The following CUX2 variants were observed in gnomAD, a reference collection of about 807,000 sequenced individuals.
The protein encoded by CUX2 is homeobox protein cut-like 2.
CUX2 carries 40 observed loss-of-function variants against 144.8 expected under a neutral mutation model. The ratio of observed to expected loss-of-function variants is 0.28; its 90% CI spans 0.21 to 0.36. The LOEUF is 0.36. CUX2 is among the 10% of genes least tolerant of loss of function. CUX2 has a pLI of 1.00. For missense variants in CUX2, 1,615 were observed against 1,994.0 expected (o/e 0.81, Z 3.62); for synonymous variants, 827 against 875.6 (o/e 0.94, Z 0.98).
intron 1 of CUX2, among the ~76,000 whole-genome samples, chr12:111,087,322 C>A (rs534177987): frequency 4.8e-5 from 6 of 124,328 alleles, no homozygotes; most frequent in Non-Finnish European, 9.3e-5. Context: ...GAGCCAAGAT[C>A]GTGCCAGTGC....
intron 1 of CUX2, among the ~76,000 whole-genome samples, chr12:111,051,335 A>T (rs1186107419): frequency 1.3e-5 from 2 of 152,132 alleles, no homozygotes; most frequent in Admixed American, 6.5e-5. Flanking sequence ...GGGGTGTTGA[A>T]GTCTCCAACT....
At chr12:111,233,502 A>G (rs1198869806) in intron 3 of CUX2, among the ~76,000 whole-genome samples, 1 of 152,204 alleles carries the variant, frequency 6.6e-6, no homozygotes, top group Non-Finnish European at 1.5e-5. Context: ...GAAGATTAAA[A>G]TCAACTGAAT....
chr12:111,330,718 T>C (rs745485014), intron 18 of CUX2, among the ~76,000 whole-genome samples: 885 of 43,506 alleles, frequency 0.02, 93 homozygotes, highest in African/African-American at 0.087. Flanking sequence ...TATATATATA[T>C]ATATATATAT....
chr12:111,277,860 ACCGTTCTGCAGAACAGAAGT>A lies in CUX2; in HGVS notation c.302-13555_302-13536del, dbSNP rs1884951578. ...TAAAACAACACACGTTTATGATCTC[ACCGTTCTGCAGAACAGAAGT>A]CCAAGATGGGTCTCACTGGGCAACA... is the stretch of plus-strand genomic sequence containing the variant. On this transcript the variant is annotated intron_variant, in intron 4 of 21. Coordinates refer to ENST00000261726, the MANE Select transcript of CUX2 (RefSeq NM_015267.4). This position sits in a 1 kb window ranked among gnomAD's most constrained non-coding sequence, Gnocchi z 5.0. Among the ~76,000 whole-genome samples the A allele has an allele frequency of 6.6e-6, 1 of 152,206 alleles. No homozygotes were observed. The highest frequency in any genetic ancestry group is 1.5e-5 in the Non-Finnish European group (1 of 68,038).
chr12:111,059,882 C>A lies in CUX2; in HGVS notation c.63+25642C>A, dbSNP rs1277816646. Among the ~76,000 whole-genome samples the A allele has an allele frequency of 2.0e-5, 3 of 152,120 alleles. No homozygotes were observed. Among genetic ancestry groups the A allele is most frequent in the Non-Finnish European group, 2.9e-5 (2 of 68,018 alleles). On this transcript the variant is annotated intron_variant, in intron 1 of 21. Coordinates refer to ENST00000261726, the MANE Select transcript of CUX2 (RefSeq NM_015267.4). The surrounding 1 kb of genome is among the most constrained non-coding windows in gnomAD (Gnocchi z 5.3). ...GACTTAAGCCTGACTTCTGGGGAAG[C>A]CCCCTTCCCTGCCCCCGACCTTGGG... is the stretch of plus-strand genomic sequence containing the variant.
At chr12:111,194,563 C>T (rs1197781595) in intron 1 of CUX2, among the ~76,000 whole-genome samples, 6 of 152,340 alleles carry the variant, frequency 3.9e-5, no homozygotes, top group South Asian at 2.1e-4. Flanking sequence ...CAGCACCGAT[C>T]GGCCAGAGCT....
At chr12:111,210,196 C>G (rs1592842261) in intron 1 of CUX2, among the ~76,000 whole-genome samples, 1 of 152,186 alleles carries the variant, frequency 6.6e-6, no homozygotes, top group Non-Finnish European at 1.5e-5. Flanking sequence ...GAATTTTTTT[C>G]CATTCCTTCA....
intron 3 of CUX2, among the ~76,000 whole-genome samples, chr12:111,256,478 C>T (rs957352676): frequency 6.6e-6 from 1 of 152,180 alleles, no homozygotes; most frequent in African/African-American, 2.4e-5. Flanking sequence ...CCACATCAGA[C>T]GTCCACCCCC....
At chr12:111,209,526 A>G (rs907604835) in intron 1 of CUX2, among the ~76,000 whole-genome samples, 10 of 152,256 alleles carry the variant, frequency 6.6e-5, no homozygotes, top group African/African-American at 2.2e-4. Flanking sequence ...TGCTATATCA[A>G]TATGACAAAA....
intron 3 of CUX2, among the ~76,000 whole-genome samples, chr12:111,262,377 ATCTT>A (rs113423487): frequency 1.4e-4 from 16 of 117,560 alleles, no homozygotes; most frequent in African/African-American, 4.8e-4. Context: ...TTTGTAATGG[ATCTT>A]TTTTTTTTTT....
At chr12:111,107,715 A>G (rs959681864) in intron 1 of CUX2, among the ~76,000 whole-genome samples, 5 of 152,238 alleles carry the variant, frequency 3.3e-5, no homozygotes, top group African/African-American at 1.2e-4. Context: ...ATTCAAGAGG[A>G]TGAAAAGCAA....
intron 1 of CUX2, among the ~76,000 whole-genome samples, chr12:111,052,184 G>T (rs925314438): frequency 2.6e-5 from 4 of 152,088 alleles, no homozygotes; most frequent in African/African-American, 9.7e-5. Flanking sequence ...ACTCCTCCCA[G>T]ATCCTTGGAG....
At chr12:111,238,692 T>C (rs1882878984) in intron 3 of CUX2, among the ~76,000 whole-genome samples, 1 of 151,760 alleles carries the variant, frequency 6.6e-6, no homozygotes, top group Admixed American at 6.5e-5. Context: ...AACCTAGTTT[T>C]TATGTATATA....
intron 3 of CUX2, among the ~76,000 whole-genome samples, chr12:111,224,910 C>CT (rs1013138667): frequency 3.3e-5 from 5 of 151,964 alleles, no homozygotes; most frequent in African/African-American, 7.3e-5. Context: ...TTTTACTTTT[C>CT]TTTTTTTTAA....
chr12:111,171,963 A>G lies in CUX2; in HGVS notation c.64-42237A>G, dbSNP rs987979109. Among the ~76,000 whole-genome samples the G allele has an allele frequency of 6.6e-6, 1 of 151,544 alleles. No individual in the cohort carries two copies. The highest frequency in any genetic ancestry group is 1.5e-5 in the Non-Finnish European group (1 of 67,870). On this transcript the variant is annotated intron_variant, in intron 1 of 21. Transcript: ENST00000261726. The surrounding 1 kb of genome is among the most constrained non-coding windows in gnomAD (Gnocchi z 5.0). ...TGTACACGTGCGTGTGTGTGCGTGCATGTGCATGCACCTGTGTGTGTGTGC... is the reference window on the plus strand; with the variant it reads ...TGTACACGTGCGTGTGTGTGCGTGCGTGTGCATGCACCTGTGTGTGTGTGC...
rs1849788220 is a variant in CUX2, at chr12:111,061,185, C to CAA, written c.63+26946_63+26947insAA. 7.1e-6 allele frequency among the ~76,000 whole-genome samples: 1 copy of CAA among 141,184 alleles called. No individual in the cohort carries two copies. Among genetic ancestry groups the CAA allele is most frequent in the South Asian group, 2.1e-4 (1 of 4,754 alleles). The allele number at this position is 141,184 out of a possible 152,430, so 92.6% of individuals were successfully genotyped here. A position where few individuals can be genotyped will look rare whatever the true frequency, so the allele number is the denominator to read the frequency against. ...AGATGTGTGCATGCATATGCACACA[C>CAA]ACACACACACACACACACACACACA... On this transcript the variant is annotated intron_variant, in intron 1 of 21. Coordinates refer to ENST00000261726, the MANE Select transcript of CUX2 (RefSeq NM_015267.4). This position sits in a 1 kb window ranked among gnomAD's most constrained non-coding sequence, Gnocchi z 4.2.
At chr12:111,185,637 T>C (rs1024854183) in intron 1 of CUX2, among the ~76,000 whole-genome samples, 1 of 152,086 alleles carries the variant, frequency 6.6e-6, no homozygotes, top group Non-Finnish European at 1.5e-5. Flanking sequence ...AGGACAGAGG[T>C]CTGGCCCTGA....
rs938251390 is a variant in CUX2, at chr12:111,186,784, T to TG, written c.64-27416_64-27415insG. 2.8e-5 allele frequency among the ~76,000 whole-genome samples: 4 copies of TG among 140,468 alleles called. No homozygotes were observed. Among genetic ancestry groups the TG allele is most frequent in the Non-Finnish European group, 6.1e-5 (4 of 65,838 alleles). 92.2% of individuals were successfully genotyped at this position (140,468 alleles called of 152,430 possible). A position where few individuals can be genotyped will look rare whatever the true frequency, so the allele number is the denominator to read the frequency against. On this transcript the variant is annotated intron_variant, in intron 1 of 21. Coordinates refer to ENST00000261726, the MANE Select transcript of CUX2 (RefSeq NM_015267.4). This position sits in a 1 kb window ranked among gnomAD's most constrained non-coding sequence, Gnocchi z 4.4. Reference sequence around the variant, plus strand: ...TAAAATCGATATGATGTGTGTATGTTTTTTTTTTTTTTGAGACAGAATTTC... The same window carrying TG: ...TAAAATCGATATGATGTGTGTATGTTGTTTTTTTTTTTTGAGACAGAATTTC...
intron 4 of CUX2, among the ~76,000 whole-genome samples, chr12:111,282,769 G>T (rs191828743): frequency 1.7e-4 from 26 of 152,226 alleles, no homozygotes; most frequent in Admixed American, 1.7e-3. Flanking sequence ...TTCCTGGCTT[G>T]CAGACAGCTG....
Sources: gnomAD v4.1 joint callset for allele counts (sites outside exome capture counted in the v4.1 genomes callset) on GRCh38, gnomAD v4.1.1 for gene constraint, Gnocchi (gnomAD v3.1) non-coding constraint, MANE v1.5 for transcripts, NCBI Gene and HGNC (gene_info 2026-07-23, HGNC 2026-07-21) for gene names.